Variants in ZNF184 observed in about 807,000 individuals in gnomAD.
ZNF184 encodes the protein zinc finger protein 184 (Kruppel-like).
ZNF184 carries 16 observed loss-of-function variants against 54.4 expected under a neutral mutation model. That is an observed-to-expected ratio of 0.29 (90% CI 0.20 to 0.45). The LOEUF is 0.45. Among genes scored for constraint, ZNF184 ranks in the 20% least tolerant of loss-of-function variants. The pLI, the probability that ZNF184 is intolerant of heterozygous loss-of-function variation, is 1.00. For synonymous variants in ZNF184, 254 were observed against 295.3 expected, an observed-to-expected ratio of 0.86 and a Z score of 1.43; for missense variants, 681 against 888.2, an observed-to-expected ratio of 0.77 and a Z score of 2.97.
chr6:27,430,851 G>A, the ZNF184 span, among the ~76,000 whole-genome samples: 10 of 152,168 alleles, frequency 6.6e-5, 1 homozygote, highest in South Asian at 4.1e-4. Context: ...CTAAAAGTTC[G>A]CGTCCCACTG....
chr6:27,459,038 G>C (rs967117821), intron 3 of ZNF184, among the ~76,000 whole-genome samples: 2 of 152,078 alleles, frequency 1.3e-5, no homozygotes, highest in Non-Finnish European at 2.9e-5. Context: ...AAAACAAAAC[G>C]AGCTCATAGA....
intron 5 of ZNF184, among the ~76,000 whole-genome samples, chr6:27,455,790 T>C (rs1488342791): frequency 6.6e-6 from 1 of 152,116 alleles, no homozygotes; most frequent in Non-Finnish European, 1.5e-5. Context: ...TTTTCCCCCG[T>C]AAAGAAGAAC....
At chr6:27,429,759 G>A in the ZNF184 span, among the ~76,000 whole-genome samples, 1 of 152,132 alleles carries the variant, frequency 6.6e-6, no homozygotes, top group East Asian at 1.9e-4. Context: ...TATGGACTCT[G>A]TGGGCAGGGG....
chr6:27,433,518 A>G, the ZNF184 span, among the ~76,000 whole-genome samples: 1 of 152,182 alleles, frequency 6.6e-6, no homozygotes, highest in African/African-American at 2.4e-5. Context: ...TAACTGCTGG[A>G]AACTGTAATC....
intron 3 of ZNF184, among the ~76,000 whole-genome samples, chr6:27,461,855 C>T (rs1237123932): frequency 6.6e-6 from 1 of 151,978 alleles, no homozygotes; most frequent in South Asian, 2.1e-4. Context: ...GAGAGCTACA[C>T]AAAGAGAGAA....
At chr6:27,433,503 C>G in the ZNF184 span, among the ~76,000 whole-genome samples, 1 of 152,194 alleles carries the variant, frequency 6.6e-6, no homozygotes, top group Non-Finnish European at 1.5e-5. Context: ...ATTCCCCTCT[C>G]CTCCTAACTG....
the ZNF184 span, among the ~76,000 whole-genome samples, chr6:27,413,361 T>C: frequency 6.6e-6 from 1 of 152,338 alleles, no homozygotes; most frequent in East Asian, 1.9e-4. Context: ...GCTTTAATTT[T>C]TATCTCAGAT....
chr6:27,442,822 G>GAAAGAA, the ZNF184 span, among the ~76,000 whole-genome samples: 3 of 22,710 alleles, frequency 1.3e-4, no homozygotes, highest in Non-Finnish European at 2.5e-4. Flanking sequence ...GAGAAAGAAA[G>GAAAGAA]AAAGAAAGAA....
At chr6:27,427,300 A>T in the ZNF184 span, among the ~76,000 whole-genome samples, 1 of 152,152 alleles carries the variant, frequency 6.6e-6, no homozygotes, top group African/African-American at 2.4e-5. Flanking sequence ...TTTGAACCAC[A>T]TGACTGTTCA....
the ZNF184 span, among the ~76,000 whole-genome samples, chr6:27,443,816 C>T: frequency 6.6e-6 from 1 of 151,896 alleles, no homozygotes; most frequent in African/African-American, 2.4e-5. Flanking sequence ...CTTACTTTCA[C>T]TTCTTCTCAC....
At chr6:27,428,676 G>A in the ZNF184 span, among the ~76,000 whole-genome samples, 1 of 152,302 alleles carries the variant, frequency 6.6e-6, no homozygotes, top group African/African-American at 2.4e-5. The surrounding 1 kb of genome is among the most constrained non-coding windows in gnomAD (Gnocchi z 4.1). Flanking sequence ...TCACCAACTG[G>A]CATGGTCTGG....
At chr6:27,422,493 C>CAAA in the ZNF184 span, among the ~76,000 whole-genome samples, 7 of 148,300 alleles carry the variant, frequency 4.7e-5, no homozygotes, top group African/African-American at 9.9e-5. Flanking sequence ...AACAAAACGA[C>CAAA]AAAAAAAAAA....
At chr6:27,440,022 G>C in the ZNF184 span, among the ~76,000 whole-genome samples, 1 of 152,022 alleles carries the variant, frequency 6.6e-6, no homozygotes, top group Non-Finnish European at 1.5e-5. Flanking sequence ...AAAAAAACTG[G>C]GCAGCTGAAA....
the ZNF184 span, among the ~76,000 whole-genome samples, chr6:27,437,743 T>C: frequency 6.6e-6 from 1 of 152,232 alleles, no homozygotes; most frequent in South Asian, 2.1e-4. Flanking sequence ...TCAGCTTCTT[T>C]AACCTCTTAA....
rs757890489 is a variant in ZNF184, at chr6:27,452,932, G to A, written c.627C>T (p.Ile209=). ...TTTTAACTGGGTTTGAATTCTGTTT[G>A]ATGCTTCTTTTAGTAGAGGTCTCTT... The part of the protein sequence containing the change: ...SPEETSTKRS[I]KQNSNPVKKE... The change falls in exon 6 of 6, where the codon ATC becomes ATT. Residue 209 remains isoleucine, a synonymous_variant. Coordinates refer to ENST00000683788, the MANE Select transcript of ZNF184 (RefSeq NM_001318891.2). The surrounding 1 kb of genome is among the most constrained non-coding windows in gnomAD (Gnocchi z 5.5). The A allele has an allele frequency of 1.2e-6, 2 of 1,614,136 alleles. No individual in the cohort carries two copies. Among genetic ancestry groups the A allele is most frequent in the Non-Finnish European group, 1.7e-6 (2 of 1,180,020 alleles).
In ZNF184 at chr6:27,464,327, G is replaced by A. The variant is rs183103099; in HGVS notation, c.75+3526C>T. 3.4e-3 allele frequency among the ~76,000 whole-genome samples: 513 copies of A among 152,284 alleles called. 3 individuals are homozygous for A. Among genetic ancestry groups the A allele is most frequent in the African/African-American group, 0.012 (497 of 41,560 alleles). ...AAGTATTATGGGATTTATAACATATGTAACAAGTAAAATGTATGGCAACAA... is the reference window on the plus strand; with the variant it reads ...AAGTATTATGGGATTTATAACATATATAACAAGTAAAATGTATGGCAACAA... On this transcript the variant is annotated intron_variant, in intron 3 of 5. Coordinates refer to ENST00000683788, the MANE Select transcript of ZNF184 (RefSeq NM_001318891.2).
the ZNF184 span, among the ~76,000 whole-genome samples, chr6:27,409,515 A>AAC: frequency 2.0e-5 from 3 of 149,724 alleles, no homozygotes; most frequent in Admixed American, 6.6e-5. Context: ...AAAAAAAAAA[A>AAC]AAAAAACACA....
intron 5 of ZNF184, among the ~76,000 whole-genome samples, chr6:27,454,882 G>A (rs934575538): frequency 6.6e-5 from 10 of 152,130 alleles, no homozygotes; most frequent in Non-Finnish European, 1.3e-4. Flanking sequence ...AGAAGTAATC[G>A]AGGGTGTTGA....
At chr6:27,465,361 TG>T (rs1438874124) in intron 3 of ZNF184, among the ~76,000 whole-genome samples, 2 of 148,156 alleles carry the variant, frequency 1.3e-5, no homozygotes, top group Non-Finnish European at 3.0e-5. Context: ...GGCAGGTGCC[TG>T]TAGTCCTAGC....
Sources: allele counts gnomAD v4.1 joint callset (sites outside exome capture counted in the v4.1 genomes callset), GRCh38; gene constraint gnomAD v4.1.1; non-coding constraint Gnocchi (gnomAD v3.1); transcripts MANE v1.5; gene names NCBI Gene and HGNC (gene_info 2026-07-23, HGNC 2026-07-21).